The following THRA variants were observed in gnomAD, a reference collection of about 807,000 sequenced individuals.
THRA encodes the protein EAR-7.
THRA carries 13 observed loss-of-function variants against 45.0 expected under a neutral mutation model. That is an observed-to-expected ratio of 0.29 (90% CI 0.19 to 0.46). THRA has a LOEUF of 0.46. Among genes scored for constraint, THRA ranks in the 20% least tolerant of loss-of-function variants. The pLI, the probability that THRA is intolerant of heterozygous loss-of-function variation, is 1.00. For missense variants in THRA, 278 were observed against 556.1 expected (o/e 0.50, Z 5.03); for synonymous variants, 195 against 214.0 (o/e 0.91, Z 0.78).
At chr17:40,081,006 G>C (rs1474331914) in intron 4 of THRA, among the ~76,000 whole-genome samples, 1 of 152,080 alleles carries the variant, frequency 6.6e-6, no homozygotes, top group African/African-American at 2.4e-5. Context: ...ACAGGCGTGA[G>C]CCACCGCACT....
chr17:40,093,315 C>T, downstream of THRA: 1 of 1,613,338 alleles, frequency 6.2e-7, no homozygotes, highest in Admixed American at 1.7e-5. This position sits in a 1 kb window ranked among gnomAD's most constrained non-coding sequence, Gnocchi z 5.9. Context: ...GAGGCGGACT[C>T]CCCGAGCTCC....
In THRA at chr17:40,089,744, G is replaced by C; in HGVS notation, c.*288G>C. 2 of 1,277,812 alleles carry C rather than the reference G, an allele frequency of 1.6e-6. No homozygotes were observed. Among genetic ancestry groups the C allele is most frequent in the Non-Finnish European group, 2.0e-6 (2 of 1,003,292 alleles). The allele number at this position is 1,277,812 out of a possible 1,614,324, so 79.2% of individuals were successfully genotyped here. ...CCATCCTCTCAGAAGGTAGGGGAAGGGCGGGAGGATTGAGAAGGGACAAGC... is the reference window on the plus strand; with the variant it reads ...CCATCCTCTCAGAAGGTAGGGGAAGCGCGGGAGGATTGAGAAGGGACAAGC... On this transcript the variant is annotated 3_prime_UTR_variant, in exon 9 of 9. Coordinates refer to ENST00000450525, the MANE Select transcript of THRA (RefSeq NM_199334.5). The surrounding 1 kb of genome is among the most constrained non-coding windows in gnomAD (Gnocchi z 6.1).
At chr17:40,067,080 G>T (rs1158596809) in intron 1 of THRA, among the ~76,000 whole-genome samples, 1 of 152,164 alleles carries the variant, frequency 6.6e-6, no homozygotes, top group Non-Finnish European at 1.5e-5. Context: ...GGGGCAGTGG[G>T]TCTCCAATTT....
chr17:40,085,391 T>A (rs1166213840), intron 6 of THRA, among the ~76,000 whole-genome samples: 3 of 152,034 alleles, frequency 2.0e-5, no homozygotes, highest in African/African-American at 7.2e-5. Context: ...TAGAGTGCAG[T>A]GGCACGATCT....
At chr17:40,088,821 A>C (rs1987425526) in intron 8 of THRA, among the ~76,000 whole-genome samples, 3 of 139,118 alleles carry the variant, frequency 2.2e-5, no homozygotes, top group African/African-American at 5.5e-5. Flanking sequence ...CCATCCCCTC[A>C]TCCCTCCTCT....
chr17:40,084,450 C>T (rs768543991), intron 5 of THRA, 160 bp from the exon 6 acceptor site: 11 of 726,588 alleles, frequency 1.5e-5, no homozygotes, highest in African/African-American at 3.5e-5. Context: ...AATCATGATC[C>T]GGGTTGTGCT....
chr17:40,083,832 C>T lies in THRA; in HGVS notation c.223-3C>T, dbSNP rs200487673. On this transcript the variant is annotated splice_polypyrimidine_tract_variant and splice_region_variant and intron_variant, in intron 4 of 8. Coordinates refer to ENST00000450525, the MANE Select transcript of THRA (RefSeq NM_199334.5). ...ACAGCCTGCTCCATCTCCCCCACCC[C>T]AGGGCTTCTTTCGCCGCACAATCCA... The T allele has an allele frequency of 1.9e-6, 3 of 1,601,406 alleles. No individual in the cohort carries two copies. In the Middle Eastern group the frequency reaches 5.0e-4, roughly 266 times the overall value.
In THRA at chr17:40,090,941, C is replaced by T. The variant is rs1211882302; in HGVS notation, c.*1485C>T. On this transcript the variant is annotated 3_prime_UTR_variant, in exon 9 of 9. Coordinates refer to ENST00000450525, the MANE Select transcript of THRA (RefSeq NM_199334.5). ...TGGGTGAGCTGTCCTCCTCCCCCTC[C>T]CTGTGGCTGCCGCCCACTCCTCAGG... 1 of 152,468 alleles carries T rather than the reference C, an allele frequency of 6.6e-6. No homozygotes were observed. The highest frequency in any genetic ancestry group is 1.5e-5 in the Non-Finnish European group (1 of 68,272). The allele number at this position is 152,468 out of a possible 1,614,324, so 9.4% of individuals were successfully genotyped here.
At chr17:40,069,011 AGT>A (rs146962238) in intron 1 of THRA, 1 of 152,288 alleles carries the variant, frequency 6.6e-6, no homozygotes, top group Non-Finnish European at 1.5e-5. Context: ...ATGCGGGGTG[AGT>A]GTGTGTGTCT....
chr17:40,080,324 G>A (rs1987093769), intron 4 of THRA, among the ~76,000 whole-genome samples: 2 of 151,654 alleles, frequency 1.3e-5, no homozygotes, highest in East Asian at 3.9e-4. Context: ...ACGATCACTT[G>A]AGGCTGGGAG....
chr17:40,065,006 C>T (rs1249376532), intron 1 of THRA, among the ~76,000 whole-genome samples: 1 of 152,090 alleles, frequency 6.6e-6, no homozygotes, highest in African/African-American at 2.4e-5. Context: ...TTCCTCCTCC[C>T]CTTTTTCCTC....
Position 40,090,081 on chromosome 17 carries a change from A to G in THRA, c.*625A>G. The G allele has an allele frequency of 6.2e-6, 6 of 970,576 alleles. No individual in the cohort carries two copies. The highest frequency in any genetic ancestry group is 1.8e-5 in the African/African-American group (1 of 56,944). 60.1% of individuals were successfully genotyped at this position (970,576 alleles called of 1,614,324 possible). A position where few individuals can be genotyped will look rare whatever the true frequency, so the allele number is the denominator to read the frequency against. ...AGAGCGAGCGATAGAGAGAGATGAT[A>G]TTAAGTTATTAACTGAGGCTGACCA... On this transcript the variant is annotated 3_prime_UTR_variant, in exon 9 of 9. Coordinates refer to ENST00000450525, the MANE Select transcript of THRA (RefSeq NM_199334.5).
downstream of THRA, chr17:40,093,185 C>T: frequency 6.2e-7 from 1 of 1,613,922 alleles, no homozygotes; most frequent in Non-Finnish European, 8.5e-7. The surrounding 1 kb of genome is among the most constrained non-coding windows in gnomAD (Gnocchi z 5.9). Flanking sequence ...AGCGGGAAGT[C>T]TCCAAGGGCC....
chr17:40,090,086 G>C lies in THRA; in HGVS notation c.*630G>C. 1.0e-6 allele frequency: 1 copy of C among 965,758 alleles called. No individual in the cohort carries two copies. The highest frequency in any genetic ancestry group is 1.2e-6 in the Non-Finnish European group (1 of 811,712). 59.8% of individuals were successfully genotyped at this position (965,758 alleles called of 1,614,324 possible). On this transcript the variant is annotated 3_prime_UTR_variant, in exon 9 of 9. Transcript: ENST00000450525. Reference sequence around the variant, plus strand: ...GAGCGATAGAGAGAGATGATATTAAGTTATTAACTGAGGCTGACCAGAGGG... The same window carrying C: ...GAGCGATAGAGAGAGATGATATTAACTTATTAACTGAGGCTGACCAGAGGG...
intron 6 of THRA, 60 bp from the exon 7 acceptor site, chr17:40,086,647 G>A: frequency 1.3e-6 from 2 of 1,582,964 alleles, no homozygotes; most frequent in South Asian, 1.1e-5. Context: ...TGGGCAGGGA[G>A]CCTCAGTGAG....
At chr17:40,083,814 G>C (rs781627234) in intron 4 of THRA, 21 bp from the exon 5 acceptor site, 9 of 1,582,276 alleles carry the variant, frequency 5.7e-6, no homozygotes, top group Non-Finnish European at 7.7e-6. Context: ...ATCACAGCCT[G>C]CTCCATCTCC....
At chr17:40,084,323 T>C (rs1240218201) in intron 5 of THRA, 1 of 508,596 alleles carries the variant, frequency 2.0e-6, no homozygotes, top group Non-Finnish European at 3.5e-6. Context: ...CATCTTCCAT[T>C]GGCTGGGGAT....
chr17:40,075,680 C>A (rs1470799524), intron 2 of THRA, among the ~76,000 whole-genome samples: 2 of 152,234 alleles, frequency 1.3e-5, no homozygotes, highest in African/African-American at 4.8e-5. Flanking sequence ...TCCCCTCCCC[C>A]ATGTCTATGC....
intron 1 of THRA, among the ~76,000 whole-genome samples, chr17:40,073,584 G>A (rs1986851312): frequency 6.6e-6 from 1 of 152,210 alleles, no homozygotes; most frequent in Non-Finnish European, 1.5e-5. Context: ...TGCCTGGGAA[G>A]TGGGATTCGA....
Sources: gnomAD v4.1 joint callset for allele counts (sites outside exome capture counted in the v4.1 genomes callset) on GRCh38, gnomAD v4.1.1 for gene constraint, Gnocchi (gnomAD v3.1) non-coding constraint, MANE v1.5 for transcripts, NCBI Gene and HGNC (gene_info 2026-07-23, HGNC 2026-07-21) for gene names.